The following UBXN2A variants were observed in gnomAD, a reference collection of about 807,000 sequenced individuals.
The protein encoded by UBXN2A is UBX domain-containing protein 2A.
UBXN2A carries 28 observed loss-of-function variants against 28.4 expected under a neutral mutation model. The ratio of observed to expected loss-of-function variants is 0.99; its 90% CI spans 0.73 to 1.35. The LOEUF is 1.35. Ranked by LOEUF, UBXN2A falls within the 40% of genes most tolerant of loss-of-function variation. The pLI, the probability that UBXN2A is intolerant of heterozygous loss-of-function variation, is 0.00. For synonymous variants in UBXN2A, 97 were observed against 103.6 expected (o/e 0.94, Z 0.39); for missense variants, 253 against 297.9 (o/e 0.85, Z 1.11).
chr2:23,951,897 C>A (rs1160550461), intron 1 of UBXN2A, among the ~76,000 whole-genome samples: 1 of 151,342 alleles, frequency 6.6e-6, no homozygotes, highest in Non-Finnish European at 1.5e-5. Flanking sequence ...AGGAATACTA[C>A]GTTTGAAGGA....
At chr2:23,957,525 A>G (rs906245160) in intron 1 of UBXN2A, among the ~76,000 whole-genome samples, 1 of 152,004 alleles carries the variant, frequency 6.6e-6, no homozygotes, top group African/African-American at 2.4e-5. Flanking sequence ...GCTGGTCTTG[A>G]ACTCCTGACC....
chr2:23,985,079 T>A (rs186537127), intron 6 of UBXN2A, among the ~76,000 whole-genome samples: 3,693 of 152,040 alleles, frequency 0.024, 51 homozygotes, highest in Non-Finnish European at 0.032. Context: ...TTTTTTTTTT[T>A]AATTTTTATT....
chr2:23,975,998 A>G (rs114054940), intron 3 of UBXN2A, among the ~76,000 whole-genome samples: 2,352 of 152,278 alleles, frequency 0.015, 29 homozygotes, highest in Non-Finnish European at 0.027. Flanking sequence ...TGTTTCTGAT[A>G]ATATGCTAAT....
intron 4 of UBXN2A, among the ~76,000 whole-genome samples, chr2:23,980,133 C>T (rs1707836550): frequency 1.3e-5 from 2 of 152,122 alleles, no homozygotes; most frequent in Non-Finnish European, 2.9e-5. Flanking sequence ...TCCATTTTCC[C>T]CTGCAGCCCT....
At chr2:23,980,807 A>T (rs1198634125) in intron 4 of UBXN2A, among the ~76,000 whole-genome samples, 1 of 152,118 alleles carries the variant, frequency 6.6e-6, no homozygotes, top group East Asian at 1.9e-4. Flanking sequence ...TTTGTTTTTT[A>T]GTAGAGGCAG....
chr2:23,942,237 T>C (rs993304368), intron 1 of UBXN2A, among the ~76,000 whole-genome samples: 1 of 151,906 alleles, frequency 6.6e-6, no homozygotes, highest in South Asian at 2.1e-4. Flanking sequence ...AGCTTAGATA[T>C]TAGGGATAAA....
rs1708723440 is a variant in UBXN2A at position 24,001,481 on chromosome 2, T to G, written c.*1614T>G. ...ACATTTTTTTTTGCAAATGATCTAT[T>G]GAATCAGATTTAAAATGAAGCATGC... is the stretch of plus-strand genomic sequence containing the variant. On this transcript the variant is annotated 3_prime_UTR_variant, in exon 7 of 7. Coordinates refer to ENST00000309033, the MANE Select transcript of UBXN2A (RefSeq NM_181713.4). 6.6e-6 allele frequency: 1 copy of G among 152,118 alleles called. No homozygotes were observed. Among genetic ancestry groups the G allele is most frequent in the Non-Finnish European group, 1.5e-5 (1 of 68,028 alleles). 9.4% of individuals were successfully genotyped at this position (152,118 alleles called of 1,614,324 possible). A position where few individuals can be genotyped will look rare whatever the true frequency, so the allele number is the denominator to read the frequency against.
intron 1 of UBXN2A, among the ~76,000 whole-genome samples, chr2:23,950,341 C>T (rs111952689): frequency 2.6e-5 from 4 of 151,986 alleles, no homozygotes; most frequent in African/African-American, 9.7e-5. Context: ...ACATGTTATG[C>T]TTTTGAGATA....
rs1219905001 is a variant in UBXN2A, at chr2:23,990,339, T to C, written c.584+5508T>C. Among the ~76,000 whole-genome samples the C allele has an allele frequency of 2.0e-5, 3 of 151,882 alleles. No homozygotes were observed. The South Asian group carries it at 6.2e-4, about 32-fold the overall frequency. ...ACTGCTCTTCCATATGAATGCTTTT[T>C]TACTCTGCTTGGGACAACCTGCTCT... On this transcript the variant is annotated intron_variant, in intron 6 of 6. Coordinates refer to ENST00000309033, the MANE Select transcript of UBXN2A (RefSeq NM_181713.4).
At chr2:23,983,529 A>G (rs1708001135) in intron 5 of UBXN2A, among the ~76,000 whole-genome samples, 1 of 152,184 alleles carries the variant, frequency 6.6e-6, no homozygotes, top group Non-Finnish European at 1.5e-5. Flanking sequence ...AATGCCAGCA[A>G]TACAGTAAAA....
In UBXN2A at chr2:24,000,734, T is replaced by C. The variant is rs1441931061; in HGVS notation, c.*867T>C. ...TAATTTAAAAAATAAAAGAATAAAA[T>C]TGTGTAGCTCAGTATAGTATCAAGA... On this transcript the variant is annotated 3_prime_UTR_variant, in exon 7 of 7. Transcript: ENST00000309033. 2 of 152,098 alleles carry C rather than the reference T, an allele frequency of 1.3e-5. No homozygotes were observed. Among genetic ancestry groups the C allele is most frequent in the African/African-American group, 4.8e-5 (2 of 41,422 alleles). The allele number at this position is 152,098 out of a possible 1,614,324, so 9.4% of individuals were successfully genotyped here. A position where few individuals can be genotyped will look rare whatever the true frequency, so the allele number is the denominator to read the frequency against.
chr2:23,979,169 C>T (rs1707795366), intron 4 of UBXN2A, among the ~76,000 whole-genome samples: 1 of 151,726 alleles, frequency 6.6e-6, no homozygotes, highest in African/African-American at 2.4e-5. Flanking sequence ...ATGGGAAAAC[C>T]CCATCTCTAC....
intron 1 of UBXN2A, among the ~76,000 whole-genome samples, chr2:23,940,878 C>T (rs1212762007): frequency 7.3e-5 from 5 of 68,682 alleles, no homozygotes. Context: ...CCCCGAGCCC[C>T]TGACTCGCCT....
At chr2:23,950,058 T>C (rs1025477859) in intron 1 of UBXN2A, among the ~76,000 whole-genome samples, 2 of 124,070 alleles carry the variant, frequency 1.6e-5, no homozygotes, top group Non-Finnish European at 3.2e-5. Flanking sequence ...TTGCACTTGC[T>C]GCACACTGTG....
chr2:23,962,666 T>TA (rs1706984030), intron 2 of UBXN2A, among the ~76,000 whole-genome samples: 1 of 150,536 alleles, frequency 6.6e-6, no homozygotes, highest in Non-Finnish European at 1.5e-5. Context: ...AGTGCAATGA[T>TA]GCAGTCTCGG....
chr2:23,956,304 G>C (rs1028585913), intron 1 of UBXN2A, among the ~76,000 whole-genome samples: 1 of 152,066 alleles, frequency 6.6e-6, no homozygotes, highest in Admixed American at 6.6e-5. Flanking sequence ...AGCCCCTTCA[G>C]AGTGCCTTTG....
At chr2:23,929,638 G>A (rs377442918) in intron 1 of UBXN2A, among the ~76,000 whole-genome samples, 1 of 151,718 alleles carries the variant, frequency 6.6e-6, no homozygotes, top group Admixed American at 6.6e-5. Context: ...GCTTGAACCC[G>A]GGAGGCGGAG....
Position 24,004,519 on chromosome 2 carries a change from T to A in UBXN2A, c.*4652T>A, listed in dbSNP as rs1216016317. On this transcript the variant is annotated 3_prime_UTR_variant, in exon 7 of 7. Transcript: ENST00000309033. ...AAATACAAAAATTAGCTGGGTGTAG[T>A]GGTGTGCGCCTGTAGTCCCAGCTAC... 1 of 152,134 alleles carries A rather than the reference T, an allele frequency of 6.6e-6. No homozygotes were observed. Among genetic ancestry groups the A allele is most frequent in the Non-Finnish European group, 1.5e-5 (1 of 68,068 alleles). 9.4% of individuals were successfully genotyped at this position (152,134 alleles called of 1,614,324 possible). A position where few individuals can be genotyped will look rare whatever the true frequency, so the allele number is the denominator to read the frequency against.
intron 2 of UBXN2A, among the ~76,000 whole-genome samples, chr2:23,964,520 G>C (rs1022280719): frequency 2.0e-5 from 3 of 152,134 alleles, no homozygotes; most frequent in African/African-American, 4.8e-5. Context: ...ATTCAGTCTT[G>C]AGAAAGAAGG....
Sources: allele counts gnomAD v4.1 joint callset (sites outside exome capture counted in the v4.1 genomes callset), GRCh38; gene constraint gnomAD v4.1.1; transcripts MANE v1.5; gene names NCBI Gene and HGNC (gene_info 2026-07-23, HGNC 2026-07-21).